The following GRM8 variants were observed in gnomAD, a reference collection of about 807,000 sequenced individuals.
GRM8 encodes the protein glutamate metabotropic receptor 8.
Under a neutral mutation model 87.2 loss-of-function variants are expected in GRM8, and 47 were observed. The observed-to-expected ratio is 0.54, with a 90% CI of 0.43 to 0.69. The LOEUF (loss-of-function observed/expected upper bound fraction) is 0.69. Ranked by LOEUF, GRM8 falls within the 30% of genes least tolerant of loss-of-function variation. The pLI is 0.00. For missense variants in GRM8, 1,019 were observed against 1,139.2 expected, an observed-to-expected ratio of 0.89 and a Z score of 1.52; for synonymous variants, 396 against 404.5, an observed-to-expected ratio of 0.98 and a Z score of 0.25.
At chr7:126,889,406 C>T (rs1306394557) in intron 6 of GRM8, among the ~76,000 whole-genome samples, 1 of 152,058 alleles carries the variant, frequency 6.6e-6, no homozygotes, top group Non-Finnish European at 1.5e-5. Context: ...GTTGATAAAA[C>T]TTCCAGCACT....
At chr7:126,584,617 G>T (rs910192517) in intron 8 of GRM8, among the ~76,000 whole-genome samples, 3 of 152,186 alleles carry the variant, frequency 2.0e-5, no homozygotes, top group Non-Finnish European at 4.4e-5. Flanking sequence ...CTCATTTGTG[G>T]TCTGCTCTTC....
chr7:126,553,159 T>A (rs1792770666), intron 8 of GRM8, among the ~76,000 whole-genome samples: 2 of 152,170 alleles, frequency 1.3e-5, no homozygotes, highest in South Asian at 4.1e-4. Context: ...ATAAATGTGA[T>A]GTATCCCCTA....
At chr7:126,739,551 C>T (rs922622943) in intron 7 of GRM8, among the ~76,000 whole-genome samples, 4 of 151,516 alleles carry the variant, frequency 2.6e-5, no homozygotes, top group Non-Finnish European at 5.9e-5. Flanking sequence ...TATTTAATAG[C>T]AGTGTTTTAT....
chr7:127,214,262 G>C (rs963942528), intron 2 of GRM8, among the ~76,000 whole-genome samples: 9 of 152,172 alleles, frequency 5.9e-5, no homozygotes, highest in Non-Finnish European at 8.8e-5. Context: ...GGAACAGAAA[G>C]GGGGTTTATG....
At chr7:126,788,875 T>C (rs559373749) in intron 6 of GRM8, among the ~76,000 whole-genome samples, 1 of 152,072 alleles carries the variant, frequency 6.6e-6, no homozygotes, top group African/African-American at 2.4e-5. Context: ...TAATGAAAGA[T>C]AAGCTATTTT....
chr7:126,988,972 C>T (rs1455396976), intron 3 of GRM8, among the ~76,000 whole-genome samples: 2 of 152,032 alleles, frequency 1.3e-5, no homozygotes, highest in African/African-American at 4.8e-5. Context: ...AGTACTGGGG[C>T]CAAATGTATT....
At chr7:126,773,029 T>C (rs1025320450) in intron 6 of GRM8, among the ~76,000 whole-genome samples, 3 of 151,448 alleles carry the variant, frequency 2.0e-5, no homozygotes, top group Non-Finnish European at 4.4e-5. Context: ...AAACAGAAAA[T>C]AGAAAGCAGT....
At chr7:127,147,776 G>GT (rs11393237) in intron 2 of GRM8, among the ~76,000 whole-genome samples, 106,520 of 151,886 alleles carry the variant, frequency 0.7, 39,132 homozygotes, top group African/African-American at 0.89. Context: ...ACTTTACCAT[G>GT]TTTTTATGTT....
At chr7:126,923,904 C>A (rs938581570) in intron 3 of GRM8, among the ~76,000 whole-genome samples, 1 of 151,950 alleles carries the variant, frequency 6.6e-6, no homozygotes, top group African/African-American at 2.4e-5. Flanking sequence ...CAGATTGAAA[C>A]TTGATGAGTT....
At chr7:126,518,853 T>C (rs183772081) in intron 9 of GRM8, among the ~76,000 whole-genome samples, 2 of 152,172 alleles carry the variant, frequency 1.3e-5, no homozygotes, top group East Asian at 3.9e-4. Flanking sequence ...GACTACCTAG[T>C]CAAGTTCTCA....
At chr7:126,602,269 T>C (rs1029275040) in intron 8 of GRM8, among the ~76,000 whole-genome samples, 21 of 146,658 alleles carry the variant, frequency 1.4e-4, no homozygotes, top group African/African-American at 5.2e-4. Flanking sequence ...TTCTGAGGGC[T>C]CTGTTCTGTT....
intron 6 of GRM8, among the ~76,000 whole-genome samples, chr7:126,808,518 G>T (rs184869787): frequency 9.4e-4 from 143 of 152,268 alleles, no homozygotes; most frequent in Admixed American, 1.8e-3. Context: ...CTGCTGGCAG[G>T]TACAAGAGCT....
chr7:126,786,547 A>G (rs191243257), intron 6 of GRM8, among the ~76,000 whole-genome samples: 3 of 152,210 alleles, frequency 2.0e-5, no homozygotes, highest in Admixed American at 2.0e-4. Context: ...CTCTATCCCA[A>G]CCTTCTATGT....
At chr7:126,704,592 T>C (rs1810289250) in intron 7 of GRM8, among the ~76,000 whole-genome samples, 2 of 152,118 alleles carry the variant, frequency 1.3e-5, no homozygotes, top group African/African-American at 2.4e-5. Flanking sequence ...ACTGAATTCT[T>C]TTTCTCAGCA....
chr7:126,802,734 A>T (rs530018122), intron 6 of GRM8, among the ~76,000 whole-genome samples: 1 of 152,322 alleles, frequency 6.6e-6, no homozygotes, highest in Admixed American at 6.5e-5. Flanking sequence ...GAGCTGCAGC[A>T]TAAATGGCAG....
intron 3 of GRM8, among the ~76,000 whole-genome samples, chr7:127,103,159 T>C (rs564573713): frequency 1.3e-5 from 2 of 152,328 alleles, no homozygotes; most frequent in Admixed American, 6.5e-5. Context: ...TTTGAGTTAA[T>C]GCTACAATGA....
chr7:126,712,787 T>C (rs1234748692), intron 7 of GRM8, among the ~76,000 whole-genome samples: 1 of 152,092 alleles, frequency 6.6e-6, no homozygotes, highest in Non-Finnish European at 1.5e-5. Flanking sequence ...GCAAAGGATA[T>C]GAATAGACAC....
chr7:126,495,313 G>A (rs77417402), intron 9 of GRM8, among the ~76,000 whole-genome samples: 1 of 152,086 alleles, frequency 6.6e-6, no homozygotes, highest in African/African-American at 2.4e-5. Flanking sequence ...GGCAAAGTCA[G>A]ACCAGAAATA....
intron 3 of GRM8, among the ~76,000 whole-genome samples, chr7:127,012,581 G>T (rs1327412855): frequency 6.6e-6 from 1 of 152,044 alleles, no homozygotes; most frequent in Non-Finnish European, 1.5e-5. Flanking sequence ...GAAAGCATTT[G>T]CTTATTTTTC....
Sources: gnomAD v4.1 joint callset for allele counts (sites outside exome capture counted in the v4.1 genomes callset) on GRCh38, gnomAD v4.1.1 for gene constraint, MANE v1.5 for transcripts, NCBI Gene and HGNC (gene_info 2026-07-23, HGNC 2026-07-21) for gene names.